LRRC74A: variants seen among roughly 807,000 people sequenced by gnomAD.
LRRC74A encodes the protein leucine rich repeat containing 74A.
LRRC74A carries 44 observed loss-of-function variants against 57.9 expected under a neutral mutation model. That is an observed-to-expected ratio of 0.76 (90% CI 0.60 to 0.98). The LOEUF (loss-of-function observed/expected upper bound fraction) is 0.98, where lower values mean the gene tolerates loss of function less well. Among genes scored for constraint, LRRC74A ranks in the 50% least tolerant of loss-of-function variants. The probability of loss-of-function intolerance (pLI) is 0.00; values close to 1 mark genes in which losing one functional copy is unlikely to be tolerated. For synonymous variants in LRRC74A, 211 were observed against 219.4 expected, an observed-to-expected ratio of 0.96 and a Z score of 0.34; for missense variants, 572 against 574.0, an observed-to-expected ratio of 1.00 and a Z score of 0.04.
intron 9 of LRRC74A, among the ~76,000 whole-genome samples, chr14:76,854,274 G>A (rs1897727272): frequency 6.6e-6 from 1 of 152,142 alleles, no homozygotes; most frequent in Admixed American, 6.5e-5. Flanking sequence ...CTCTTTGCTC[G>A]CCTGTCATCC....
At chr14:76,850,682 C>T (rs1230539535) in intron 7 of LRRC74A, among the ~76,000 whole-genome samples, 4 of 151,942 alleles carry the variant, frequency 2.6e-5, no homozygotes, top group Non-Finnish European at 5.9e-5. Context: ...GCCTGACCAA[C>T]ATGATGAAAC....
chr14:76,860,048 G>C (rs1898185373), intron 10 of LRRC74A, among the ~76,000 whole-genome samples: 2 of 152,220 alleles, frequency 1.3e-5, no homozygotes, highest in African/African-American at 4.8e-5. Flanking sequence ...CTCTTTTGTA[G>C]ATGCTCCTAG....
chr14:76,837,677 T>C (rs549128893), intron 4 of LRRC74A, among the ~76,000 whole-genome samples, 198 bp from the exon 5 acceptor site: 10 of 152,144 alleles, frequency 6.6e-5, no homozygotes, highest in African/African-American at 2.2e-4. Context: ...CGGGAGGCCC[T>C]GGAAAAGCTG....
chr14:76,866,756 C>T (rs560923822), intron 12 of LRRC74A, among the ~76,000 whole-genome samples: 102 of 151,950 alleles, frequency 6.7e-4, no homozygotes, highest in African/African-American at 2.3e-3. Context: ...CTCTGATCTC[C>T]TCCTGCCTTA....
rs772609138 is a variant in LRRC74A, at chr14:76,826,485, G to A, written c.-213G>A. On this transcript the variant is annotated 5_prime_UTR_variant, in exon 1 of 14. Transcript: ENST00000689127. ...TAGCTACCTCTCCCAGACAGAGTTG[G>A]GGTCAAATTCATGCACATCCAATTC... The A allele has an allele frequency of 6.4e-7, 1 of 1,553,530 alleles. No individual in the cohort carries two copies. The highest frequency in any genetic ancestry group is 8.7e-7 in the Non-Finnish European group (1 of 1,143,800).
chr14:76,865,229 C>G (rs556724673), intron 11 of LRRC74A, among the ~76,000 whole-genome samples: 10 of 152,214 alleles, frequency 6.6e-5, no homozygotes, highest in Non-Finnish European at 1.2e-4. Context: ...ATACAGTCAG[C>G]CCTTCGTACC....
At chr14:76,836,992 C>T (rs149862301) in intron 4 of LRRC74A, among the ~76,000 whole-genome samples, 110 of 151,014 alleles carry the variant, frequency 7.3e-4, no homozygotes, top group African/African-American at 2.6e-3. Context: ...AATATAAAAA[C>T]TTAGCTGTGC....
In LRRC74A at chr14:76,826,572, G is replaced by A. The variant is rs1481830552; in HGVS notation, c.-126G>A. The A allele has an allele frequency of 1.2e-6, 2 of 1,612,782 alleles. No individual in the cohort carries two copies. The highest frequency in any genetic ancestry group is 1.1e-5 in the South Asian group (1 of 90,726). ...GGAAGGATAACTGCAGGCTCCCCTG[G>A]GATGCCCCCAGGTGAGGGAAGTTCA... On this transcript the variant is annotated 5_prime_UTR_variant, in exon 1 of 14. Coordinates refer to ENST00000689127, the MANE Select transcript of LRRC74A (RefSeq NM_001385106.1).
chr14:76,830,465 C>T (rs1293810188), intron 2 of LRRC74A, among the ~76,000 whole-genome samples: 2 of 152,380 alleles, frequency 1.3e-5, no homozygotes, highest in East Asian at 3.9e-4. Flanking sequence ...TGGAAAGGTG[C>T]AGTCCCCACT....
intron 4 of LRRC74A, among the ~76,000 whole-genome samples, chr14:76,837,334 T>A (rs2140268281): frequency 6.6e-6 from 1 of 152,262 alleles, no homozygotes; most frequent in Non-Finnish European, 1.5e-5. Context: ...AAATAATATG[T>A]TATGCTTATT....
intron 10 of LRRC74A, among the ~76,000 whole-genome samples, chr14:76,859,934 T>C (rs1285043732): frequency 6.6e-6 from 1 of 152,122 alleles, no homozygotes; most frequent in African/African-American, 2.4e-5. Context: ...CACCTTGGCC[T>C]CCCAAAGTGC....
intron 2 of LRRC74A, among the ~76,000 whole-genome samples, 187 bp from the exon 3 acceptor site, chr14:76,831,016 G>A (rs181062205): frequency 1.2e-3 from 182 of 152,330 alleles, no homozygotes; most frequent in African/African-American, 4.3e-3. Context: ...GGACTTTCTG[G>A]AGTTAGAGTC....
In LRRC74A at chr14:76,860,747, C is replaced by T; in HGVS notation, c.1108C>T (p.His370Tyr). Residue 370 changes from histidine (H) to tyrosine (Y), a missense_variant, in exon 11 of 14, where the codon CAC becomes TAC. Physicochemically the swap from His to Tyr is moderately conservative, Grantham distance 83 (BLOSUM62 2). Transcript: ENST00000689127. Reference protein sequence around the residue: ...MKTLDGVYAVHPQLDVVFKAV... With the variant: ...MKTLDGVYAVYPQLDVVFKAV... ...AACGTTGGACGGAGTGTATGCCGTT[C>T]ACCCGCAGCTGGACGTGGTATTCAA... 1.2e-6 allele frequency: 2 copies of T among 1,612,066 alleles called. No homozygotes were observed. The highest frequency in any genetic ancestry group is 1.7e-5 in the Admixed American group (1 of 59,934).
chr14:76,836,319 T>C lies in LRRC74A; in HGVS notation c.447+5T>C. 1 of 1,577,052 alleles carries C rather than the reference T, an allele frequency of 6.3e-7. No homozygotes were observed. The highest frequency in any genetic ancestry group is 8.7e-7 in the Non-Finnish European group (1 of 1,149,216). ...AACTACTACCTCCAGGAGATGGTAC[T>C]GTGCCCCCCTGTGCTGGCTCTTACC... On this transcript the variant is annotated splice_donor_5th_base_variant and intron_variant, in intron 4 of 13. Transcript: ENST00000689127.
At position 76,837,931 on chromosome 14, in the gene LRRC74A, T is replaced by C; in HGVS notation, c.504T>C (p.Phe168=). ...LEGARIISDF[F]ERNSSSIWSL... is the part of the protein sequence containing the mutation. ...GGGCCAGAATCATCTCAGATTTCTT[T>C]GAGAGAAACAGTTCTTCTATCTGGA... is the stretch of plus-strand genomic sequence containing the variant. The change falls in exon 5 of 14, where the codon TTT becomes TTC. Residue 168 remains phenylalanine, a synonymous_variant. Transcript: ENST00000689127. The C allele has an allele frequency of 1.3e-6, 2 of 1,589,024 alleles. No homozygotes were observed. The highest frequency in any genetic ancestry group is 2.7e-5 in the African/African-American group (2 of 74,564).
At position 76,866,039 on chromosome 14, in the gene LRRC74A, G is replaced by A; in HGVS notation, c.1272G>A (p.Lys424=). ...GCTTGAACCCCACTGGGACAATGAA[G>A]ATGTCTGTGGATGAGTTCCAGAAAG... The part of the protein sequence containing the change: ...FKSLNPTGTM[K]MSVDEFQKVM... Residue 424 remains lysine (K), a synonymous_variant, in exon 12 of 14, where the codon AAG becomes AAA. Coordinates refer to ENST00000689127, the MANE Select transcript of LRRC74A (RefSeq NM_001385106.1). The A allele has an allele frequency of 6.3e-7, 1 of 1,590,232 alleles. No homozygotes were observed.
rs2140317716 is a variant in LRRC74A, at chr14:76,867,354, A to C, written c.1309-2A>C. 1 of 1,532,936 alleles carries C rather than the reference A, an allele frequency of 6.5e-7. No homozygotes were observed. The highest frequency in any genetic ancestry group is 2.3e-5 in the East Asian group (1 of 44,318). The allele number at this position is 1,532,936 out of a possible 1,614,324, so 95.0% of individuals were successfully genotyped here. A position where few individuals can be genotyped will look rare whatever the true frequency, so the allele number is the denominator to read the frequency against. Reference sequence around the variant, plus strand: ...CTGCACATGTTCCATCCACCTCCTCAGCAAAACAAGGTCCCCCTGAACCAG... The same window carrying C: ...CTGCACATGTTCCATCCACCTCCTCCGCAAAACAAGGTCCCCCTGAACCAG... On this transcript the variant is annotated splice_acceptor_variant, in intron 12 of 13. Coordinates refer to ENST00000689127, the MANE Select transcript of LRRC74A (RefSeq NM_001385106.1). LOFTEE classifies it high-confidence loss of function.
At chr14:76,850,783 G>T (rs1012420008) in intron 7 of LRRC74A, among the ~76,000 whole-genome samples, 2 of 146,508 alleles carry the variant, frequency 1.4e-5, no homozygotes, top group African/African-American at 2.5e-5. Context: ...CAGGAGAATC[G>T]CTTGAACCCA....
rs770813376 is a variant in LRRC74A, at chr14:76,828,872, C to T, written c.166+453C>T. On this transcript the variant is annotated intron_variant, in intron 2 of 13. Coordinates refer to ENST00000689127, the MANE Select transcript of LRRC74A (RefSeq NM_001385106.1). The stretch of plus-strand genomic sequence containing the variant: ...ACGTTGGCTGATCCCGTGTTTGACT[C>T]ACTCTGATGGTTCTGCCTTCTGTAT... 270 of 541,818 alleles carry T rather than the reference C, an allele frequency of 5.0e-4. 1 individual carries two copies. The highest frequency in any genetic ancestry group is 7.3e-4 in the Non-Finnish European group (247 of 337,968). The allele number at this position is 541,818 out of a possible 1,614,324, so 33.6% of individuals were successfully genotyped here. A position where few individuals can be genotyped will look rare whatever the true frequency, so the allele number is the denominator to read the frequency against.
Sources: allele counts gnomAD v4.1 joint callset (sites outside exome capture counted in the v4.1 genomes callset), GRCh38; gene constraint gnomAD v4.1.1; transcripts MANE v1.5; gene names NCBI Gene and HGNC (gene_info 2026-07-23, HGNC 2026-07-21).